UGGT1: variants seen among roughly 807,000 people sequenced by gnomAD.
UGGT1 encodes the protein UDP-glucose:glycoprotein glucosyltransferase 1.
UGGT1 carries 107 observed loss-of-function variants against 203.9 expected under a neutral mutation model. That is an observed-to-expected ratio of 0.52 (90% confidence interval 0.45 to 0.62). The LOEUF (loss-of-function observed/expected upper bound fraction) is 0.62. UGGT1 is among the 20% of genes least tolerant of loss of function. The pLI is 0.00. For synonymous variants in UGGT1, 628 were observed against 653.5 expected, an observed-to-expected ratio of 0.96 and a Z score of 0.59; for missense variants, 1,673 against 1,867.2, an observed-to-expected ratio of 0.90 and a Z score of 1.92.
At chr2:128,178,323 G>T in intron 33 of UGGT1, 145 bp from the exon 34 acceptor site, 1 of 687,984 alleles carries the variant, frequency 1.5e-6, no homozygotes, top group Non-Finnish European at 2.5e-6. Context: ...TCTCTCCAGG[G>T]TGTGAGGGAA....
chr2:128,106,139 G>T (rs1200564750), intron 3 of UGGT1, among the ~76,000 whole-genome samples: 2 of 143,734 alleles, frequency 1.4e-5, no homozygotes, highest in East Asian at 2.1e-4. Context: ...TGGAGATATA[G>T]ATATGTAAAT....
intron 11 of UGGT1, among the ~76,000 whole-genome samples, chr2:128,125,799 A>C (rs1029264971): frequency 6.6e-6 from 1 of 152,074 alleles, no homozygotes; most frequent in Non-Finnish European, 1.5e-5. Flanking sequence ...TTTACTTTTT[A>C]GTTTCCAAAG....
intron 31 of UGGT1, among the ~76,000 whole-genome samples, chr2:128,175,776 C>T (rs975439621): frequency 3.9e-5 from 6 of 152,042 alleles, no homozygotes; most frequent in African/African-American, 1.4e-4. Flanking sequence ...ATGGTGCCCC[C>T]TCTTCCTAGC....
At chr2:128,188,936 C>T (rs192450947) in intron 40 of UGGT1, among the ~76,000 whole-genome samples, 10 of 152,280 alleles carry the variant, frequency 6.6e-5, no homozygotes, top group Admixed American at 2.0e-4. Context: ...TAATTAATTC[C>T]GATTCATCAG....
chr2:128,165,458 G>A (rs10191421), intron 26 of UGGT1, among the ~76,000 whole-genome samples: 62,853 of 151,966 alleles, frequency 0.41, 13,246 homozygotes, highest in South Asian at 0.57. Flanking sequence ...AGCACTTTGC[G>A]AGGCTGAGGC....
intron 1 of UGGT1, among the ~76,000 whole-genome samples, chr2:128,095,899 T>A (rs1021809722): frequency 6.6e-6 from 1 of 152,186 alleles, no homozygotes; most frequent in African/African-American, 2.4e-5. Flanking sequence ...ATTAAAGAAC[T>A]GGGATGAGAC....
intron 31 of UGGT1, among the ~76,000 whole-genome samples, chr2:128,176,505 C>G (rs1014297217): frequency 1.7e-4 from 25 of 151,210 alleles, no homozygotes; most frequent in Non-Finnish European, 4.4e-5. Context: ...AGGCTCTGTG[C>G]TTGGCTCAGA....
Position 128,103,201 on chromosome 2 carries a change from C to T in UGGT1, c.195-731C>T, listed in dbSNP as rs115902329. On this transcript the variant is annotated intron_variant, in intron 2 of 40. Transcript: ENST00000259253. ...TTAAGACAGTGAAAGATCACCACTG[C>T]ATTAGTATTATGGCTCAGAGGAGAA... is the stretch of plus-strand genomic sequence containing the variant. 1.9e-3 allele frequency: 837 copies of T among 446,622 alleles called. 2 individuals carry two copies. The highest frequency in any genetic ancestry group is 0.016 in the African/African-American group (765 of 49,036). 27.7% of individuals were successfully genotyped at this position (446,622 alleles called of 1,614,324 possible).
At chr2:128,115,294 A>T (rs1415136304) in intron 7 of UGGT1, 74 bp downstream of exon 7, 2 of 1,355,298 alleles carry the variant, frequency 1.5e-6, no homozygotes, top group East Asian at 2.4e-5. Flanking sequence ...CCATATGAAA[A>T]ATAATAGATT....
intron 2 of UGGT1, among the ~76,000 whole-genome samples, chr2:128,100,908 A>G (rs909436154): frequency 2.6e-5 from 4 of 152,164 alleles, no homozygotes; most frequent in Non-Finnish European, 5.9e-5. Flanking sequence ...TTCTTTGATC[A>G]CTGTGAAGTG....
chr2:128,180,993 T>G lies in UGGT1; in HGVS notation c.4004T>G (p.Ile1335Ser). 1 of 1,614,210 alleles carries G rather than the reference T, an allele frequency of 6.2e-7. No homozygotes were observed. Among genetic ancestry groups the G allele is most frequent in the Non-Finnish European group, 8.5e-7 (1 of 1,180,030 alleles). ...CAACAAACTGAAAAACAGCGTATCA[T>G]CTGGGGTTACAAGATCCTCTTCCTG... ...LHQQTEKQRI[I>S]WGYKILFLDV... The change falls in exon 36 of 41, where the codon ATC becomes AGC. Residue 1335 changes from isoleucine to serine, a missense_variant. Around this residue, in one of 4 missense-constraint regions of UGGT1, gnomAD observed 513 missense variants for 684.1 expected, o/e 0.75. Coordinates refer to ENST00000259253, the MANE Select transcript of UGGT1 (RefSeq NM_020120.4).
chr2:128,101,810 G>C (rs1687386693), intron 2 of UGGT1, among the ~76,000 whole-genome samples: 1 of 152,126 alleles, frequency 6.6e-6, no homozygotes, highest in South Asian at 2.1e-4. Flanking sequence ...TTCCCTCCTA[G>C]TTCCACATAG....
intron 31 of UGGT1, among the ~76,000 whole-genome samples, chr2:128,176,389 C>T (rs1457011847): frequency 2.8e-5 from 3 of 107,090 alleles, no homozygotes; most frequent in East Asian, 2.6e-4. Context: ...TCCAGGGCAA[C>T]AGAGCAAAAC....
intron 31 of UGGT1, among the ~76,000 whole-genome samples, chr2:128,175,989 A>G (rs1047892592): frequency 6.6e-6 from 1 of 152,240 alleles, no homozygotes; most frequent in South Asian, 2.1e-4. Context: ...TCTGCCTGCA[A>G]ATAGAATTTG....
At chr2:128,121,769 A>G (rs986509949) in intron 10 of UGGT1, among the ~76,000 whole-genome samples, 1 of 152,216 alleles carries the variant, frequency 6.6e-6, no homozygotes, top group Non-Finnish European at 1.5e-5. Context: ...TGTCTTGAAG[A>G]TGGCAAGACC....
chr2:128,108,884 C>T (rs111855464), intron 4 of UGGT1, among the ~76,000 whole-genome samples: 22 of 152,196 alleles, frequency 1.4e-4, no homozygotes, highest in African/African-American at 5.1e-4. Context: ...AAAGGTACAT[C>T]TTCACACAAT....
At chr2:128,106,900 C>CT (rs1212569693) in intron 3 of UGGT1, among the ~76,000 whole-genome samples, 1 of 152,124 alleles carries the variant, frequency 6.6e-6, no homozygotes, top group African/African-American at 2.4e-5. Context: ...AGGCTGATCT[C>CT]TTGAGCTCCT....
At chr2:128,148,297 C>T (rs529887723) in intron 18 of UGGT1, among the ~76,000 whole-genome samples, 60 of 152,264 alleles carry the variant, frequency 3.9e-4, no homozygotes, top group African/African-American at 1.3e-3. Flanking sequence ...ACATTGGTCT[C>T]GAACTCCTGT....
At chr2:128,116,040 A>G (rs1192796462) in intron 7 of UGGT1, among the ~76,000 whole-genome samples, 1 of 152,172 alleles carries the variant, frequency 6.6e-6, no homozygotes, top group Non-Finnish European at 1.5e-5. Flanking sequence ...GGAAAAATGC[A>G]TTCTTTATCC....
Sources: allele counts gnomAD v4.1 joint callset (sites outside exome capture counted in the v4.1 genomes callset), GRCh38; gene constraint gnomAD v4.1.1; regional missense constraint gnomAD v4.1.1; transcripts MANE v1.5; gene names NCBI Gene and HGNC (gene_info 2026-07-23, HGNC 2026-07-21).